TEX9: variants seen among roughly 807,000 people sequenced by gnomAD.
The protein encoded by TEX9 is testis-expressed protein 9.
A neutral mutation model predicts 59.6 loss-of-function variants in TEX9; 74 were observed. The ratio of observed to expected loss-of-function variants is 1.24; its 90% CI spans 1.03 to 1.51. The LOEUF is 1.51. Ranked by LOEUF, TEX9 falls within the 40% of genes most tolerant of loss-of-function variation. The pLI, the probability that TEX9 is intolerant of heterozygous loss-of-function variation, is 0.00. For synonymous variants in TEX9, 186 were observed against 152.2 expected (o/e 1.22, Z -1.64); for missense variants, 522 against 447.8 (o/e 1.17, Z -1.49).
chr15:56,281,178 A>C (rs1355081510), intron 1 of TEX9, among the ~76,000 whole-genome samples: 1 of 152,232 alleles, frequency 6.6e-6, no homozygotes. Flanking sequence ...TTTAAAATAT[A>C]TTTGTGTTGC....
At chr15:56,458,750 TTAAAGTTCCTCCA>T in the TEX9 span, among the ~76,000 whole-genome samples, 1 of 152,178 alleles carries the variant, frequency 6.6e-6, no homozygotes, top group Non-Finnish European at 1.5e-5. Flanking sequence ...TAATATGCAT[TTAAAGTTCCTCCA>T]CATCTTTTCA....
intron 1 of TEX9, among the ~76,000 whole-genome samples, chr15:56,265,282 C>T (rs1324956126): frequency 6.6e-6 from 1 of 151,788 alleles, no homozygotes; most frequent in Non-Finnish European, 1.5e-5. Context: ...CCTCCTGCCT[C>T]AGCCTCCCCG....
chr15:56,413,606 T>G (rs1288731704), intron 10 of TEX9, among the ~76,000 whole-genome samples: 1 of 151,576 alleles, frequency 6.6e-6, no homozygotes, highest in Non-Finnish European at 1.5e-5. Flanking sequence ...TCTCTATAAA[T>G]TTGACTGCTC....
intron 9 of TEX9, among the ~76,000 whole-genome samples, chr15:56,409,378 C>A (rs1312867542): frequency 2.0e-5 from 3 of 152,174 alleles, no homozygotes; most frequent in Non-Finnish European, 4.4e-5. Flanking sequence ...GTGCCTATGT[C>A]ACTCGGCTGA....
chr15:56,326,831 C>T (rs1250444645), intron 1 of TEX9, among the ~76,000 whole-genome samples: 2 of 152,106 alleles, frequency 1.3e-5, no homozygotes, highest in Admixed American at 1.3e-4. Context: ...GAATAAAAAG[C>T]CCTCAGGCAT....
At chr15:56,367,667 GCT>G (rs1225340478) in intron 2 of TEX9, among the ~76,000 whole-genome samples, 1 of 152,132 alleles carries the variant, frequency 6.6e-6, no homozygotes, top group East Asian at 1.9e-4. Context: ...ACTTATTTAT[GCT>G]ATTGAATTTT....
At chr15:56,299,417 A>G (rs1441937452) in intron 1 of TEX9, among the ~76,000 whole-genome samples, 1 of 152,170 alleles carries the variant, frequency 6.6e-6, no homozygotes, top group African/African-American at 2.4e-5. Flanking sequence ...ATGGGCTAAA[A>G]CACTCAGGGT....
At chr15:56,440,569 G>A (rs1474749396) in intron 12 of TEX9, among the ~76,000 whole-genome samples, 1 of 152,092 alleles carries the variant, frequency 6.6e-6, no homozygotes, top group Non-Finnish European at 1.5e-5. Context: ...CATTCCAAAT[G>A]CCCTTTAATG....
At chr15:56,248,023 A>G (rs746061448) in intron 1 of TEX9, among the ~76,000 whole-genome samples, 24 of 152,278 alleles carry the variant, frequency 1.6e-4, no homozygotes, top group Middle Eastern at 3.4e-3. Flanking sequence ...GTGATGGATA[A>G]TTTCTTTCAG....
At chr15:56,377,662 AAG>A (rs2047522225) in intron 3 of TEX9, among the ~76,000 whole-genome samples, 1 of 152,156 alleles carries the variant, frequency 6.6e-6, no homozygotes, top group South Asian at 2.1e-4. Flanking sequence ...TTCCAAATAT[AAG>A]AGCATATCAT....
At chr15:56,286,403 C>T (rs1215639864) in intron 1 of TEX9, among the ~76,000 whole-genome samples, 1 of 152,142 alleles carries the variant, frequency 6.6e-6, no homozygotes, top group Non-Finnish European at 1.5e-5. Context: ...GAGGCACTGA[C>T]ACATCATCTT....
At chr15:56,391,629 G>C (rs140523395) in intron 7 of TEX9, among the ~76,000 whole-genome samples, 28 of 151,602 alleles carry the variant, frequency 1.8e-4, no homozygotes, top group Middle Eastern at 3.4e-3. Flanking sequence ...AAAGATAGGT[G>C]GTGGGTAAAT....
intron 12 of TEX9, chr15:56,434,177 T>G: frequency 6.2e-7 from 1 of 1,613,686 alleles, no homozygotes; most frequent in African/African-American, 1.3e-5. Context: ...CTTCAATAAG[T>G]TTTTCCACAG....
chr15:56,357,550 T>C (rs1482913907), intron 1 of TEX9, among the ~76,000 whole-genome samples: 1 of 152,166 alleles, frequency 6.6e-6, no homozygotes, highest in Non-Finnish European at 1.5e-5. Context: ...TCTATCCTTC[T>C]TGAAATCCGA....
intron 6 of TEX9, among the ~76,000 whole-genome samples, chr15:56,389,695 G>T (rs1241372333): frequency 6.7e-6 from 1 of 148,874 alleles, no homozygotes; most frequent in Non-Finnish European, 1.5e-5. Flanking sequence ...CTACAACTGG[G>T]TTTTTTTTTT....
At chr15:56,407,596 C>T (rs1037303851) in intron 9 of TEX9, among the ~76,000 whole-genome samples, 9 of 152,070 alleles carry the variant, frequency 5.9e-5, no homozygotes, top group African/African-American at 2.2e-4. Flanking sequence ...TCTCTTCTGT[C>T]ATTTATTCTT....
In TEX9 at chr15:56,273,240, C is replaced by T. The variant is rs190667077; in HGVS notation, c.-107+28962C>T. Among the ~76,000 whole-genome samples the T allele has an allele frequency of 1.9e-3, 291 of 152,148 alleles. 2 individuals carry two copies. The highest frequency in any genetic ancestry group is 1.9e-3 in the South Asian group (9 of 4,820). ...AGTACTGGGATTGCAGTACCACACC[C>T]GGCCGAATTGTGTATTTTTTTTAAC... On this transcript the variant is annotated intron_variant, in intron 1 of 5. Coordinates refer to the TEX9 transcript ENST00000560827.
At chr15:56,404,959 C>T (rs2049002542) in intron 9 of TEX9, among the ~76,000 whole-genome samples, 1 of 152,088 alleles carries the variant, frequency 6.6e-6, no homozygotes, top group African/African-American at 2.4e-5. Context: ...AGGGCGGGAA[C>T]ATCACACACC....
At position 56,418,021 on chromosome 15, in the gene TEX9, AT is replaced by A. The variant is rs1211424492; in HGVS notation, c.963+5588del. Among the ~76,000 whole-genome samples the A allele has an allele frequency of 5.0e-4, 76 of 151,500 alleles. 1 individual carries two copies. The highest frequency in any genetic ancestry group is 1.7e-3 in the African/African-American group (71 of 41,158). ...CAACCCCTGCTTTTTTCTGTTTTCT[AT>A]TTCCTGGTAGATTTTCCTCTATCCC... On this transcript the variant is annotated intron_variant, in intron 10 of 12. Coordinates refer to ENST00000352903, the Ensembl canonical transcript of TEX9.
Sources: allele counts gnomAD v4.1 joint callset (sites outside exome capture counted in the v4.1 genomes callset), GRCh38; gene constraint gnomAD v4.1.1; transcripts MANE v1.5; gene names NCBI Gene and HGNC (gene_info 2026-07-23, HGNC 2026-07-21).